OSBPL3: variants seen among roughly 807,000 people sequenced by gnomAD.
OSBPL3 encodes the protein oxysterol binding protein like 3, also known as oxysterol-binding protein-related protein 3.
OSBPL3 carries 65 observed loss-of-function variants against 120.1 expected under a neutral mutation model. The ratio of observed to expected loss-of-function variants is 0.54; its 90% confidence interval spans 0.44 to 0.67. The LOEUF (loss-of-function observed/expected upper bound fraction) is 0.67, where lower values mean the gene tolerates loss of function less well. Ranked by LOEUF, OSBPL3 falls within the 30% of genes least tolerant of loss-of-function variation. The pLI, the probability that OSBPL3 is intolerant of heterozygous loss-of-function variation, is 0.00. For synonymous variants in OSBPL3, 416 were observed against 402.6 expected (o/e 1.03, Z -0.40); for missense variants, 1,004 against 1,082.1 (o/e 0.93, Z 1.01).
At chr7:24,865,246 G>T in intron 7 of OSBPL3, 96 bp downstream of exon 7, 1 of 1,302,088 alleles carries the variant, frequency 7.7e-7, no homozygotes. Context: ...ATGTGGACAA[G>T]CATAGGGGAA....
intron 14 of OSBPL3, among the ~76,000 whole-genome samples, chr7:24,839,905 C>T (rs552526444): frequency 7.2e-5 from 10 of 138,250 alleles, no homozygotes; most frequent in South Asian, 4.7e-4. Context: ...GCAGGAGAAT[C>T]GCTTTAACCC....
At chr7:24,843,806 C>T (rs1798069738) in intron 12 of OSBPL3, among the ~76,000 whole-genome samples, 1 of 152,186 alleles carries the variant, frequency 6.6e-6, no homozygotes, top group South Asian at 2.1e-4. Flanking sequence ...GAAAAGGTCT[C>T]TCTCCTCAAA....
intron 1 of OSBPL3, among the ~76,000 whole-genome samples, chr7:24,893,209 G>A (rs994607225): frequency 6.6e-6 from 1 of 152,050 alleles, no homozygotes; most frequent in African/African-American, 2.4e-5. Context: ...AATAGTCAAA[G>A]GTGGAAAGAA....
chr7:24,917,418 ATATATATATT>A (rs1333511109), intron 1 of OSBPL3, among the ~76,000 whole-genome samples: 2 of 138,834 alleles, frequency 1.4e-5, no homozygotes, highest in East Asian at 2.0e-4. Flanking sequence ...ATATATATAT[ATATATATATT>A]TGTAACATAT....
chr7:24,805,515 A>G lies in OSBPL3; in HGVS notation c.2445-1078T>C, dbSNP rs563860567. Among the ~76,000 whole-genome samples, 2 of 152,336 alleles carry G rather than the reference A, an allele frequency of 1.3e-5. No individual in the cohort carries two copies. The highest frequency in any genetic ancestry group is 3.9e-4 in the East Asian group (2 of 5,192). On this transcript the variant is annotated intron_variant, in intron 21 of 22. Coordinates refer to ENST00000313367, the MANE Select transcript of OSBPL3 (RefSeq NM_015550.4). The surrounding 1 kb of genome is among the most constrained non-coding windows in gnomAD (Gnocchi z 4.0). ...CACATACGTTATTAATATATACTGT[A>G]TATTTCCAATTAACTCCATTCTTAG...
chr7:24,815,740 G>A lies in OSBPL3; in HGVS notation c.2028-537C>T, dbSNP rs530690246. Among the ~76,000 whole-genome samples the A allele has an allele frequency of 6.6e-6, 1 of 152,310 alleles. No individual in the cohort carries two copies. Among genetic ancestry groups the A allele is most frequent in the Non-Finnish European group, 1.5e-5 (1 of 68,022 alleles). On this transcript the variant is annotated intron_variant, in intron 18 of 22. Coordinates refer to ENST00000313367, the MANE Select transcript of OSBPL3 (RefSeq NM_015550.4). The surrounding 1 kb of genome is among the most constrained non-coding windows in gnomAD (Gnocchi z 5.1). ...CTAAGTACTATTTTAGGTGTTTCAT[G>A]TATATTATCTGTTTAATCTTCACAA...
chr7:24,804,171 G>A lies in OSBPL3; in HGVS notation c.2567+144C>T, dbSNP rs1034893297. ...AGTGCGGGGGACAGGGCCTGGCACAGAGGAGCAGTACCCCCACGTGGAAGC... is the reference window on the plus strand; with the variant it reads ...AGTGCGGGGGACAGGGCCTGGCACAAAGGAGCAGTACCCCCACGTGGAAGC... On this transcript the variant is annotated intron_variant, in intron 22 of 22. Transcript: ENST00000313367. The surrounding 1 kb of genome is among the most constrained non-coding windows in gnomAD (Gnocchi z 5.4). 6.5e-6 allele frequency: 6 copies of A among 927,968 alleles called. No homozygotes were observed. Among genetic ancestry groups the A allele is most frequent in the Non-Finnish European group, 1.0e-5 (6 of 598,556 alleles). The allele number at this position is 927,968 out of a possible 1,614,324, so 57.5% of individuals were successfully genotyped here.
At chr7:24,902,772 G>T (rs986915871) in intron 1 of OSBPL3, among the ~76,000 whole-genome samples, 5 of 151,266 alleles carry the variant, frequency 3.3e-5, no homozygotes, top group Non-Finnish European at 7.4e-5. Context: ...TAAACGACTG[G>T]CTTATTCTTA....
rs1164645315 is a variant in OSBPL3 at position 24,842,258 on chromosome 7, T to C, written c.1401+21A>G. The stretch of plus-strand genomic sequence containing the variant: ...AACAAGAGAGATTTTTGAGGCACCA[T>C]ACTGTAAACATTGCTCAAACCTCGT... On this transcript the variant is annotated intron_variant, in intron 13 of 22. Coordinates refer to ENST00000313367, the MANE Select transcript of OSBPL3 (RefSeq NM_015550.4). The C allele has an allele frequency of 7.5e-6, 12 of 1,610,002 alleles. No homozygotes were observed. The South Asian group carries it at 1.2e-4, about 16-fold the overall frequency.
At chr7:24,814,978 C>T (rs1794292663) in intron 19 of OSBPL3, 81 bp downstream of exon 19, 2 of 1,396,072 alleles carry the variant, frequency 1.4e-6, no homozygotes, top group East Asian at 2.3e-5. Flanking sequence ...GGCGAAAAAT[C>T]TCTCAAATGC....
In OSBPL3 at chr7:24,842,384, T is replaced by C. The variant is rs1481978710; in HGVS notation, c.1296A>G (p.Leu432=). The C allele has an allele frequency of 5.0e-6, 8 of 1,611,012 alleles. No individual in the cohort carries two copies. The highest frequency in any genetic ancestry group is 1.1e-5 in the South Asian group (1 of 90,148). ...EENSRDENRA[L]VHQLSNESRL... ...TACTTTCATTAGAAAGCTGATGAAC[T>C]AGAGCTCGGTTTTCATCTCTGGAGT... Residue 432 remains leucine, a synonymous_variant, in exon 13 of 23, where the codon CTA becomes CTG. Transcript: ENST00000313367.
At chr7:24,904,963 A>ATGTGTGTGTGTG (rs1562909652) in intron 1 of OSBPL3, among the ~76,000 whole-genome samples, 3 of 84,500 alleles carry the variant, frequency 3.6e-5, no homozygotes, top group African/African-American at 8.9e-5. Flanking sequence ...GTGTGTGTGA[A>ATGTGTGTGTGTG]TAAAGTTAAG....
chr7:24,837,316 AC>A lies in OSBPL3; in HGVS notation c.1496-2581del, dbSNP rs373332693. On this transcript the variant is annotated intron_variant, in intron 14 of 22. Coordinates refer to ENST00000313367, the MANE Select transcript of OSBPL3 (RefSeq NM_015550.4). ...ACTCCCGGGCCTAAACAATTGTTCC[AC>A]CTCAGTCTCCTGAGTAGCTCAGACT... 1.4e-4 allele frequency among the ~76,000 whole-genome samples: 22 copies of A among 152,172 alleles called. No individual in the cohort carries two copies. In the East Asian group the frequency reaches 3.1e-3, roughly 21 times the overall value.
rs1796205178 is a variant in OSBPL3 at position 24,830,241 on chromosome 7, C to T, written c.1884+527G>A. On this transcript the variant is annotated intron_variant, in intron 16 of 22. Transcript: ENST00000313367. The surrounding 1 kb of genome is among the most constrained non-coding windows in gnomAD (Gnocchi z 4.4). ...GGACTCCTGTCCGGACCCCTCACCC[C>T]CCACCCCACTGCAATATCCTAGCAC... Among the ~76,000 whole-genome samples the T allele has an allele frequency of 6.6e-6, 1 of 152,202 alleles. No homozygotes were observed. The highest frequency in any genetic ancestry group is 1.5e-5 in the Non-Finnish European group (1 of 68,042).
In OSBPL3 at chr7:24,933,858, C is replaced by T. The variant is rs1475506569; in HGVS notation, c.-149-41237G>A. 1.3e-5 allele frequency among the ~76,000 whole-genome samples: 2 copies of T among 152,186 alleles called. No individual in the cohort carries two copies. Among genetic ancestry groups the T allele is most frequent in the Non-Finnish European group, 2.9e-5 (2 of 68,028 alleles). ...AAATATACAGCGAAACATATATACACAAGAGCTATGCCACTTAGCATAAAT... is the reference window on the plus strand; with the variant it reads ...AAATATACAGCGAAACATATATACATAAGAGCTATGCCACTTAGCATAAAT... On this transcript the variant is annotated intron_variant, in intron 1 of 22. Transcript: ENST00000313367. This position sits in a 1 kb window ranked among gnomAD's most constrained non-coding sequence, Gnocchi z 5.1.
At chr7:24,901,178 T>C (rs753837375) in intron 1 of OSBPL3, among the ~76,000 whole-genome samples, 1 of 151,804 alleles carries the variant, frequency 6.6e-6, no homozygotes, top group African/African-American at 2.4e-5. Flanking sequence ...AATACAAACA[T>C]TAGCCGGGCA....
chr7:24,961,459 T>C (rs1815729031), intron 1 of OSBPL3, among the ~76,000 whole-genome samples: 1 of 152,164 alleles, frequency 6.6e-6, no homozygotes, highest in Admixed American at 6.5e-5. Flanking sequence ...CCCAAGGTGA[T>C]GGTATTCAGA....
At chr7:24,903,274 G>T (rs1397106529) in intron 1 of OSBPL3, among the ~76,000 whole-genome samples, 1 of 152,160 alleles carries the variant, frequency 6.6e-6, no homozygotes, top group Admixed American at 6.5e-5. Flanking sequence ...GGAAAGCGTG[G>T]ACTCACACTC....
intron 11 of OSBPL3, among the ~76,000 whole-genome samples, chr7:24,850,550 G>A (rs1214099538): frequency 6.6e-6 from 1 of 152,154 alleles, no homozygotes; most frequent in East Asian, 1.9e-4. Context: ...CTCCAACAGG[G>A]ATGCTGGCTT....
Sources: allele counts gnomAD v4.1 joint callset (sites outside exome capture counted in the v4.1 genomes callset), GRCh38; gene constraint gnomAD v4.1.1; non-coding constraint Gnocchi (gnomAD v3.1); transcripts MANE v1.5; gene names NCBI Gene and HGNC (gene_info 2026-07-23, HGNC 2026-07-21).